The following CMIP variants were observed in gnomAD, a reference collection of about 807,000 sequenced individuals.
The protein encoded by CMIP is c-Maf inducing protein.
A neutral mutation model predicts 97.3 loss-of-function variants in CMIP; 13 were observed. The ratio of observed to expected loss-of-function variants is 0.13; its 90% CI spans 0.09 to 0.21. The LOEUF (loss-of-function observed/expected upper bound fraction) is 0.21. CMIP is among the 10% of genes least tolerant of loss of function. The pLI is 1.00. For synonymous variants in CMIP, 538 were observed against 436.3 expected, an observed-to-expected ratio of 1.23 and a Z score of -2.91; for missense variants, 847 against 1,024.9, an observed-to-expected ratio of 0.83 and a Z score of 2.37.
chr16:81,622,518 G>T (rs112405280), intron 3 of CMIP, among the ~76,000 whole-genome samples: 11 of 152,220 alleles, frequency 7.2e-5, no homozygotes, highest in African/African-American at 2.6e-4. Context: ...TGGTCACGGG[G>T]GTACCACCTC....
intron 7 of CMIP, among the ~76,000 whole-genome samples, chr16:81,667,795 A>AGTGTGTGTGTGT (rs1201342935): frequency 1.8e-4 from 12 of 68,090 alleles, no homozygotes; most frequent in East Asian, 6.4e-4. Flanking sequence ...AGAGAGAGAG[A>AGTGTGTGTGTGT]GAGAGTGTGT....
At chr16:81,460,343 G>C (rs574353220) in intron 1 of CMIP, among the ~76,000 whole-genome samples, 1 of 152,042 alleles carries the variant, frequency 6.6e-6, no homozygotes, top group Non-Finnish European at 1.5e-5. Context: ...GGTGGGTGGC[G>C]TCCCTCAGCC....
At position 81,681,348 on chromosome 16, in the gene CMIP, G is replaced by C. The variant is rs1904856510; in HGVS notation, c.1388+2720G>C. ...AGCCGCTCAAAGGGCTCCAAAGTGAGATACGTCAGGAAAGGCACAGACTCA... is the reference window on the plus strand; with the variant it reads ...AGCCGCTCAAAGGGCTCCAAAGTGACATACGTCAGGAAAGGCACAGACTCA... On this transcript the variant is annotated intron_variant, in intron 10 of 20. Transcript: ENST00000537098. Among the ~76,000 whole-genome samples, 3 of 152,238 alleles carry C rather than the reference G, an allele frequency of 2.0e-5. No homozygotes were observed. The South Asian group carries it at 6.2e-4, about 32-fold the overall frequency.
chr16:81,646,069 G>A (rs1347962484), intron 3 of CMIP, among the ~76,000 whole-genome samples: 1 of 152,006 alleles, frequency 6.6e-6, no homozygotes, highest in Non-Finnish European at 1.5e-5. Flanking sequence ...AGTGAGTGAT[G>A]GAAGTATGGA....
At chr16:81,698,003 C>A (rs1906949904) in intron 14 of CMIP, 1 of 147,374 alleles carries the variant, frequency 6.8e-6, no homozygotes, top group Non-Finnish European at 1.5e-5. Flanking sequence ...CCCCCCGCCC[C>A]CGCCCCCACC....
At chr16:81,578,821 G>A (rs551683717) in intron 1 of CMIP, among the ~76,000 whole-genome samples, 18 of 152,312 alleles carry the variant, frequency 1.2e-4, no homozygotes, top group East Asian at 1.2e-3. Context: ...AGATAAGCCC[G>A]TGCCATTGCA....
At chr16:81,660,490 G>C (rs2092533272) in intron 5 of CMIP, among the ~76,000 whole-genome samples, 1 of 152,012 alleles carries the variant, frequency 6.6e-6, no homozygotes, top group African/African-American at 2.4e-5. Flanking sequence ...GGCCAGGCTG[G>C]TCTCCAACTC....
At chr16:81,502,551 C>T (rs1440017414) in intron 1 of CMIP, among the ~76,000 whole-genome samples, 1 of 152,144 alleles carries the variant, frequency 6.6e-6, no homozygotes, top group Non-Finnish European at 1.5e-5. Context: ...CTGTCACGTG[C>T]GCCAGGCATT....
intron 1 of CMIP, among the ~76,000 whole-genome samples, chr16:81,548,694 A>C (rs1300160501): frequency 1.3e-5 from 2 of 151,984 alleles, no homozygotes; most frequent in African/African-American, 2.4e-5. Context: ...AAAAAGAAAA[A>C]AAAAAGCCAG....
intron 3 of CMIP, among the ~76,000 whole-genome samples, chr16:81,649,589 G>C (rs1363463060): frequency 6.6e-6 from 1 of 152,232 alleles, no homozygotes; most frequent in Non-Finnish European, 1.5e-5. Context: ...GGATTTTTGA[G>C]GCCTTTTAAA....
intron 1 of CMIP, among the ~76,000 whole-genome samples, chr16:81,557,999 C>T (rs995121024): frequency 2.6e-5 from 4 of 152,176 alleles, no homozygotes; most frequent in East Asian, 1.9e-4. Flanking sequence ...TCTGTCTCTA[C>T]GAATTTGACT....
chr16:81,552,981 TG>T (rs920166694), intron 1 of CMIP, among the ~76,000 whole-genome samples: 2 of 152,142 alleles, frequency 1.3e-5, no homozygotes, highest in African/African-American at 2.4e-5. Context: ...GTCCCCTCCC[TG>T]GGGGACAGGA....
chr16:81,619,182 G>C (rs2091960879), intron 2 of CMIP: 1 of 152,376 alleles, frequency 6.6e-6, no homozygotes, highest in East Asian at 1.9e-4. Context: ...CCTCCTGCCT[G>C]CTTTGCACTT....
chr16:81,450,963 A>G (rs947852113), intron 1 of CMIP, among the ~76,000 whole-genome samples: 1 of 152,208 alleles, frequency 6.6e-6, no homozygotes, highest in Non-Finnish European at 1.5e-5. Flanking sequence ...TTCACTGGAC[A>G]GTATATTTTG....
intron 1 of CMIP, among the ~76,000 whole-genome samples, chr16:81,543,882 C>T (rs1330668014): frequency 6.6e-6 from 1 of 152,238 alleles, no homozygotes; most frequent in African/African-American, 2.4e-5. Flanking sequence ...CTTCTACTTT[C>T]TGTCTAAAGA....
chr16:81,691,916 G>C, intron 11 of CMIP, 76 bp downstream of exon 11: 2 of 1,279,330 alleles, frequency 1.6e-6, no homozygotes, highest in Non-Finnish European at 2.3e-6. Context: ...CCTTAGTGGG[G>C]GGCCAGTCAT....
At chr16:81,704,539 A>C (rs182583988) in intron 18 of CMIP, among the ~76,000 whole-genome samples, 42 of 294 alleles carry the variant, frequency 0.14, no homozygotes, top group East Asian at 0.25. Flanking sequence ...CTCCCTGCCC[A>C]CTCACCCTCC....
intron 1 of CMIP, among the ~76,000 whole-genome samples, chr16:81,503,911 C>T (rs189778953): frequency 6.6e-5 from 10 of 152,328 alleles, no homozygotes; most frequent in African/African-American, 2.2e-4. Flanking sequence ...GTAATGAGGG[C>T]GTGTTCACAC....
chr16:81,587,380 CGAT>C (rs978994701), intron 1 of CMIP, among the ~76,000 whole-genome samples: 38 of 152,156 alleles, frequency 2.5e-4, no homozygotes, highest in African/African-American at 9.2e-4. Flanking sequence ...TGGGTGGAAT[CGAT>C]GAGGCGGTCA....
Sources: allele counts gnomAD v4.1 joint callset (sites outside exome capture counted in the v4.1 genomes callset), GRCh38; gene constraint gnomAD v4.1.1; transcripts MANE v1.5; gene names NCBI Gene and HGNC (gene_info 2026-07-23, HGNC 2026-07-21).